TBX5: variants seen among roughly 807,000 people sequenced by gnomAD.
TBX5 encodes the protein T-box transcription factor TBX5.
A neutral mutation model predicts 51.1 loss-of-function variants in TBX5; 8 were observed. The ratio of observed to expected loss-of-function variants is 0.16; its 90% CI spans 0.09 to 0.28. TBX5 has a LOEUF of 0.28. TBX5 is among the 10% of genes least tolerant of loss of function. The probability of loss-of-function intolerance (pLI) is 1.00; values close to 1 mark genes in which losing one functional copy is unlikely to be tolerated. For synonymous variants in TBX5, 302 were observed against 266.4 expected (o/e 1.13, Z -1.30); for missense variants, 589 against 671.7 (o/e 0.88, Z 1.36).
At chr12:114,394,655 C>G in intron 6 of TBX5, 86 bp downstream of exon 6, 1 of 1,594,392 alleles carries the variant, frequency 6.3e-7, no homozygotes, top group African/African-American at 1.3e-5. Context: ...TTCAGAGGAG[C>G]AAAGTTCCAG....
At chr12:114,373,723 C>A (rs1357884102) in intron 7 of TBX5, among the ~76,000 whole-genome samples, 1 of 152,192 alleles carries the variant, frequency 6.6e-6, no homozygotes, top group African/African-American at 2.4e-5. Flanking sequence ...TCCCAAAGTG[C>A]TAGGATTATA....
intron 1 of TBX5, among the ~76,000 whole-genome samples, chr12:114,405,134 C>T (rs534708595): frequency 1.3e-5 from 2 of 152,356 alleles, no homozygotes; most frequent in South Asian, 4.1e-4. Context: ...CCAGATCCCA[C>T]CCTGACCTGC....
At chr12:114,375,798 C>T (rs754813292) in intron 7 of TBX5, among the ~76,000 whole-genome samples, 1 of 152,126 alleles carries the variant, frequency 6.6e-6, no homozygotes, top group Non-Finnish European at 1.5e-5. Flanking sequence ...CATCCCAGCA[C>T]TTTGGGAGGC....
At chr12:114,366,080 G>C (rs773090821) in intron 8 of TBX5, 85 bp downstream of exon 8, 23 of 1,319,312 alleles carry the variant, frequency 1.7e-5, no homozygotes, top group South Asian at 4.7e-5. Flanking sequence ...GTAAATAAAT[G>C]AATACTCCTC....
chr12:114,399,569 A>G lies in TBX5; in HGVS notation c.306T>C (p.Leu102=). ...CGTCGGCAGGTACAATGTCCATGAG[A>G]AGAATGTACTTCGTTTTGGGATTAA... ...TGLNPKTKYI[L]LMDIVPADDH... The change falls in exon 4 of 9, where the codon CTT becomes CTC. Residue 102 remains leucine (L), a synonymous_variant. Coordinates refer to ENST00000405440, the MANE Select transcript of TBX5 (RefSeq NM_181486.4). 2 of 1,614,192 alleles carry G rather than the reference A, an allele frequency of 1.2e-6. No homozygotes were observed. The highest frequency in any genetic ancestry group is 1.3e-5 in the African/African-American group (1 of 75,026).
intron 1 of TBX5, among the ~76,000 whole-genome samples, chr12:114,405,304 A>G (rs1872135624): frequency 6.6e-6 from 1 of 152,108 alleles, no homozygotes; most frequent in African/African-American, 2.4e-5. Flanking sequence ...GCGCCCCTAC[A>G]CGCGCTCCCA....
At chr12:114,398,545 G>A (rs1378772424) in intron 5 of TBX5, 28 bp downstream of exon 5, 3 of 1,608,578 alleles carry the variant, frequency 1.9e-6, no homozygotes, top group Middle Eastern at 1.6e-4. Context: ...AGGGAGACAA[G>A]GCGGGGAATC....
intron 7 of TBX5, among the ~76,000 whole-genome samples, chr12:114,370,282 AG>A (rs1565929379): frequency 1.0e-4 from 7 of 69,932 alleles, no homozygotes; most frequent in African/African-American, 1.4e-4. Flanking sequence ...AGAAAAGAAA[AG>A]AAAAGAAAGA....
chr12:114,403,301 A>T (rs1271496832), intron 2 of TBX5, among the ~76,000 whole-genome samples: 2 of 152,344 alleles, frequency 1.3e-5, no homozygotes, highest in Middle Eastern at 3.4e-3. Flanking sequence ...AGGCGGGAGG[A>T]GGCGAAGGCT....
At chr12:114,392,665 G>T (rs548191006) in intron 6 of TBX5, among the ~76,000 whole-genome samples, 1 of 152,210 alleles carries the variant, frequency 6.6e-6, no homozygotes, top group East Asian at 1.9e-4. Flanking sequence ...ACCCCAGTCT[G>T]GTCTGAGAGC....
At chr12:114,403,656 T>C (rs980263911) in intron 2 of TBX5, 96 bp downstream of exon 2, 34 of 1,516,886 alleles carry the variant, frequency 2.2e-5, no homozygotes, top group Non-Finnish European at 2.8e-5. Context: ...TTTTTTTATT[T>C]TGTTTTTGTT....
chr12:114,395,485 G>A (rs1256538239), intron 5 of TBX5, among the ~76,000 whole-genome samples: 1 of 152,176 alleles, frequency 6.6e-6, no homozygotes, highest in Non-Finnish European at 1.5e-5. Context: ...TGGAGAACAA[G>A]CAAAGCAGAG....
Position 114,358,143 on chromosome 12 carries a change from T to C in TBX5, c.983-2037A>G, listed in dbSNP as rs555771816. Among the ~76,000 whole-genome samples the C allele has an allele frequency of 5.9e-5, 9 of 152,306 alleles. No homozygotes were observed. In the East Asian group the frequency reaches 1.7e-3, roughly 29 times the overall value. On this transcript the variant is annotated intron_variant, in intron 8 of 8. Transcript: ENST00000405440. ...ATTGGATTGACTTTGCCTACACACC[T>C]TGCTTCCAACTCTCTAGATTTCTAA...
chr12:114,364,200 A>G (rs961475217), intron 8 of TBX5, among the ~76,000 whole-genome samples: 1 of 152,212 alleles, frequency 6.6e-6, no homozygotes, highest in Admixed American at 6.5e-5. Flanking sequence ...AAAGCTACCA[A>G]AGCATCCATT....
intron 8 of TBX5, among the ~76,000 whole-genome samples, chr12:114,357,083 A>G (rs551497530): frequency 6.6e-6 from 1 of 152,246 alleles, no homozygotes; most frequent in Admixed American, 6.5e-5. Context: ...TGAATGTTCA[A>G]ATTCTTTCCT....
Position 114,390,783 on chromosome 12 carries a change from C to CT in TBX5, c.663+3957dup, listed in dbSNP as rs549106040. On this transcript the variant is annotated intron_variant, in intron 6 of 8. Coordinates refer to ENST00000405440, the MANE Select transcript of TBX5 (RefSeq NM_181486.4). ...CAGGGAAATGAAATGCCCACGTGAC[C>CT]TTTTTTTAACACCTAAATATTTCTA... 1.5e-4 allele frequency among the ~76,000 whole-genome samples: 23 copies of CT among 152,284 alleles called. No individual in the cohort carries two copies. The South Asian group carries it at 3.9e-3, about 26-fold the overall frequency.
intron 7 of TBX5, among the ~76,000 whole-genome samples, chr12:114,378,463 T>C (rs1870322001): frequency 6.6e-6 from 1 of 152,152 alleles, no homozygotes; most frequent in Non-Finnish European, 1.5e-5. Context: ...ATGGACCGTG[T>C]CTTAACACCT....
chr12:114,390,971 G>T (rs145897454), intron 6 of TBX5, among the ~76,000 whole-genome samples: 1 of 152,288 alleles, frequency 6.6e-6, no homozygotes. Context: ...TCACAGCTGG[G>T]CTGAGGAAAT....
chr12:114,399,718 G>A (rs1001662354), intron 3 of TBX5, 86 bp from the exon 4 acceptor site: 3 of 1,599,520 alleles, frequency 1.9e-6, no homozygotes, highest in African/African-American at 2.7e-5. Context: ...AAGGGAAAAA[G>A]CAATTCCTGG....
Sources: allele counts gnomAD v4.1 joint callset (sites outside exome capture counted in the v4.1 genomes callset), GRCh38; gene constraint gnomAD v4.1.1; transcripts MANE v1.5; gene names NCBI Gene and HGNC (gene_info 2026-07-23, HGNC 2026-07-21).